The following KCTD14 variants were observed in gnomAD, a reference collection of about 807,000 sequenced individuals.
KCTD14 encodes the protein potassium channel tetramerization domain containing 14.
KCTD14 carries 7 observed loss-of-function variants against 5.9 expected under a neutral mutation model. The ratio of observed to expected loss-of-function variants is 1.19; its 90% CI spans 0.68 to 2.23. The LOEUF (loss-of-function observed/expected upper bound fraction) is 2.23. Ranked by LOEUF, KCTD14 falls within the 30% of genes most tolerant of loss-of-function variation. The pLI, the probability that KCTD14 is intolerant of heterozygous loss-of-function variation, is 0.00. For synonymous variants in KCTD14, 140 were observed against 133.1 expected (o/e 1.05, Z -0.36); for missense variants, 342 against 332.2 (o/e 1.03, Z -0.23).
intron 2 of KCTD14, among the ~76,000 whole-genome samples, chr11:78,028,480 A>G (rs1175064933): frequency 1.3e-5 from 2 of 151,844 alleles, no homozygotes; most frequent in Non-Finnish European, 2.9e-5. Flanking sequence ...GCATGCGCCT[A>G]TAGTCCCAGC....
chr11:78,025,114 G>GTATATATATA (rs1311073204), upstream of KCTD14, among the ~76,000 whole-genome samples: 2 of 66,894 alleles, frequency 3.0e-5, no homozygotes, highest in Admixed American at 1.6e-4. Context: ...GTGTGTGTGT[G>GTATATATATA]TGTGTATATA....
intron 1 of KCTD14, among the ~76,000 whole-genome samples, chr11:78,039,434 C>T (rs1468054367): frequency 1.3e-5 from 2 of 151,546 alleles, no homozygotes; most frequent in Admixed American, 6.6e-5. Flanking sequence ...GAGGCTGAGG[C>T]GGGAGGATTG....
chr11:78,037,776 G>A (rs1431716206), intron 2 of KCTD14, among the ~76,000 whole-genome samples: 4 of 151,892 alleles, frequency 2.6e-5, no homozygotes, highest in Non-Finnish European at 5.9e-5. Flanking sequence ...CCAAGATCGC[G>A]CCACTGCACT....
chr11:78,029,982 C>T (rs1857571192), intron 2 of KCTD14, among the ~76,000 whole-genome samples: 1 of 151,984 alleles, frequency 6.6e-6, no homozygotes. Context: ...GACAGGGTTT[C>T]ACCGTGTTAG....
intron 2 of KCTD14, among the ~76,000 whole-genome samples, chr11:78,037,731 A>G (rs1857852345): frequency 1.3e-5 from 2 of 152,078 alleles, no homozygotes; most frequent in African/African-American, 2.4e-5. Context: ...AGGCACGACA[A>G]TCGCTTGAAC....
chr11:78,024,411 T>TATATAC (rs1456026280), upstream of KCTD14, among the ~76,000 whole-genome samples: 1 of 116,850 alleles, frequency 8.6e-6, no homozygotes, highest in African/African-American at 3.2e-5. Context: ...TATATATATA[T>TATATAC]ACACACACAC....
intron 1 of KCTD14, among the ~76,000 whole-genome samples, chr11:78,040,507 A>T (rs1857960799): frequency 3.0e-5 from 4 of 135,370 alleles, no homozygotes; most frequent in African/African-American, 5.6e-5. Context: ...GCACCTTTTA[A>T]TTTTCTCCGC....
At chr11:78,021,084 C>G (rs1180438189) in intron 1 of KCTD14, among the ~76,000 whole-genome samples, 1 of 152,086 alleles carries the variant, frequency 6.6e-6, no homozygotes, top group Non-Finnish European at 1.5e-5. Flanking sequence ...GGGAGGATCA[C>G]TTGAGGCCAG....
chr11:78,023,882 G>A (rs557546559), upstream of KCTD14, among the ~76,000 whole-genome samples: 4 of 152,228 alleles, frequency 2.6e-5, no homozygotes, highest in Admixed American at 6.5e-5. Flanking sequence ...TGAAAGATCC[G>A]CAACACCCAT....
intron 2 of KCTD14, among the ~76,000 whole-genome samples, chr11:78,038,124 C>G (rs1857869211): frequency 6.6e-6 from 1 of 152,092 alleles, no homozygotes; most frequent in Non-Finnish European, 1.5e-5. Context: ...AGAGGCCCTT[C>G]CCATGTAAGG....
intron 2 of KCTD14, among the ~76,000 whole-genome samples, chr11:78,036,589 TGC>T (rs1447902654): frequency 6.6e-6 from 1 of 152,262 alleles, no homozygotes; most frequent in Non-Finnish European, 1.5e-5. Flanking sequence ...CTCCCGGCAC[TGC>T]TTTCCCAAAT....
intron 1 of KCTD14, among the ~76,000 whole-genome samples, chr11:78,040,083 T>C (rs909735575): frequency 1.3e-5 from 2 of 152,158 alleles, no homozygotes; most frequent in African/African-American, 2.4e-5. Flanking sequence ...CTGCCCTGTT[T>C]ATGTTTTTGC....
intron 2 of KCTD14, among the ~76,000 whole-genome samples, chr11:78,037,032 C>T (rs1176130530): frequency 1.3e-5 from 2 of 152,330 alleles, no homozygotes; most frequent in East Asian, 3.9e-4. Flanking sequence ...AGTCACGGAA[C>T]CATGAGCCAG....
intron 1 of KCTD14, among the ~76,000 whole-genome samples, chr11:78,040,083 T>A (rs909735575): frequency 6.6e-6 from 1 of 152,158 alleles, no homozygotes; most frequent in East Asian, 1.9e-4. Context: ...CTGCCCTGTT[T>A]ATGTTTTTGC....
chr11:78,017,371 A>T, intron 1 of KCTD14, 101 bp from the exon 2 acceptor site: 1 of 1,407,832 alleles, frequency 7.1e-7, no homozygotes, highest in Non-Finnish European at 9.4e-7. Flanking sequence ...TAGGGGAGCC[A>T]TAATGATTGG....
chr11:78,029,124 G>A (rs549898926), intron 2 of KCTD14, among the ~76,000 whole-genome samples: 121 of 150,562 alleles, frequency 8.0e-4, no homozygotes, highest in South Asian at 1.9e-3. Context: ...GGCGGAGGTT[G>A]CAGTGAGCCA....
intron 1 of KCTD14, among the ~76,000 whole-genome samples, chr11:78,040,433 T>A (rs1199757266): frequency 6.6e-6 from 1 of 152,028 alleles, no homozygotes; most frequent in African/African-American, 2.4e-5. Context: ...TGCTCCTCTT[T>A]CTCTCTGGCT....
At chr11:78,044,363 C>A (rs1233333477) in intron 1 of KCTD14, among the ~76,000 whole-genome samples, 2 of 152,110 alleles carry the variant, frequency 1.3e-5, no homozygotes, top group Non-Finnish European at 2.9e-5. Flanking sequence ...GAAAAATCTT[C>A]CTGAAAAGGA....
At chr11:78,037,393 C>A (rs1464709596) in intron 2 of KCTD14, among the ~76,000 whole-genome samples, 2 of 152,204 alleles carry the variant, frequency 1.3e-5, no homozygotes, top group Non-Finnish European at 2.9e-5. Flanking sequence ...ATAACTTGCT[C>A]TCCAAGCTCC....
Sources: allele counts gnomAD v4.1 joint callset (sites outside exome capture counted in the v4.1 genomes callset), GRCh38; gene constraint gnomAD v4.1.1; transcripts MANE v1.5; gene names NCBI Gene and HGNC (gene_info 2026-07-23, HGNC 2026-07-21).